Variants in RPS6KC1 observed in about 807,000 individuals in gnomAD.
RPS6KC1 encodes the protein ribosomal protein S6 kinase C1, also known as inactive ribosomal protein S6 kinase delta-1.
In RPS6KC1, 54 loss-of-function variants were observed where a neutral mutation model predicts 103.8. The observed-to-expected ratio is 0.52, with a 90% CI of 0.42 to 0.65. The LOEUF is 0.65. RPS6KC1 is among the 30% of genes least tolerant of loss of function. RPS6KC1 has a pLI of 0.00. For missense variants in RPS6KC1, 1,151 were observed against 1,253.8 expected (o/e 0.92, Z 1.24); for synonymous variants, 439 against 438.7 (o/e 1.00, Z -0.01).
intron 6 of RPS6KC1, among the ~76,000 whole-genome samples, chr1:213,130,598 C>T (rs754275876): frequency 7.2e-5 from 11 of 152,142 alleles, no homozygotes; most frequent in Non-Finnish European, 1.5e-4. Context: ...TTGGGTTTGT[C>T]GGTACCATTC....
chr1:213,267,545 GA>G (rs1346887967), intron 14 of RPS6KC1, among the ~76,000 whole-genome samples: 1 of 151,646 alleles, frequency 6.6e-6, no homozygotes, highest in Non-Finnish European at 1.5e-5. Context: ...CCCATATTCA[GA>G]AAAAAAATCA....
chr1:213,389,805 G>T, the RPS6KC1 span, among the ~76,000 whole-genome samples: 1 of 152,106 alleles, frequency 6.6e-6, no homozygotes, highest in East Asian at 1.9e-4. Context: ...GGCAATCTGG[G>T]TTTATCTCCT....
chr1:213,382,237 G>T, the RPS6KC1 span, among the ~76,000 whole-genome samples: 1 of 152,106 alleles, frequency 6.6e-6, no homozygotes, highest in Non-Finnish European at 1.5e-5. Context: ...TCTCCCCCTG[G>T]GTTGCCCAGG....
chr1:213,597,191 G>C, the RPS6KC1 span, among the ~76,000 whole-genome samples: 10 of 152,182 alleles, frequency 6.6e-5, no homozygotes, highest in Admixed American at 6.5e-4. Flanking sequence ...TAGGTTTAAA[G>C]GGTTCTTTCC....
chr1:213,796,838 A>G, the RPS6KC1 span, among the ~76,000 whole-genome samples: 15,068 of 152,210 alleles, frequency 0.099, 1,466 homozygotes, highest in African/African-American at 0.22. Flanking sequence ...GGAAATAGAT[A>G]GGTTTTCTTC....
chr1:213,462,881 C>T, the RPS6KC1 span, among the ~76,000 whole-genome samples: 1 of 152,158 alleles, frequency 6.6e-6, no homozygotes, highest in Admixed American at 6.6e-5. Flanking sequence ...GCACATATAT[C>T]CCAGAACTTA....
Position 213,261,514 on chromosome 1 carries a change from T to C in RPS6KC1, c.2912-44T>C, listed in dbSNP as rs781053031. ...ATACATGTTAATTTTGAAAGTTTAATTGACCTTTGGAATTTTAATATCAAC... is the reference window on the plus strand; with the variant it reads ...ATACATGTTAATTTTGAAAGTTTAACTGACCTTTGGAATTTTAATATCAAC... On this transcript the variant is annotated intron_variant, in intron 12 of 14. Transcript: ENST00000366960. The C allele has an allele frequency of 5.1e-6, 8 of 1,556,292 alleles. No homozygotes were observed. In the African/African-American group the frequency reaches 5.4e-5, roughly 11 times the overall value.
the RPS6KC1 span, among the ~76,000 whole-genome samples, chr1:213,307,928 A>G: frequency 5.9e-5 from 9 of 152,112 alleles, no homozygotes; most frequent in Non-Finnish European, 1.3e-4. Flanking sequence ...GGACCTTCTC[A>G]TGGCCTGTAG....
the RPS6KC1 span, among the ~76,000 whole-genome samples, chr1:213,562,357 C>CTTTTT: frequency 2.1e-5 from 1 of 47,250 alleles, no homozygotes; most frequent in Non-Finnish European, 3.8e-5. Context: ...CTGAAAAGTT[C>CTTTTT]TGTTTTTTTT....
At chr1:213,077,397 T>C (rs1272168689) in intron 2 of RPS6KC1, among the ~76,000 whole-genome samples, 19 of 152,194 alleles carry the variant, frequency 1.2e-4, no homozygotes. Flanking sequence ...AATAAAACCA[T>C]ACTTGTTTAA....
At chr1:213,638,479 A>G in the RPS6KC1 span, among the ~76,000 whole-genome samples, 1 of 152,044 alleles carries the variant, frequency 6.6e-6, no homozygotes, top group Non-Finnish European at 1.5e-5. Flanking sequence ...TCTAAAAGTT[A>G]TACATTTTAA....
chr1:213,100,836 TG>T (rs2081960180), intron 3 of RPS6KC1, among the ~76,000 whole-genome samples: 1 of 151,772 alleles, frequency 6.6e-6, no homozygotes, highest in South Asian at 2.1e-4. Flanking sequence ...AGTCCACTGT[TG>T]ATGGGCACCT....
At chr1:213,624,948 C>T in the RPS6KC1 span, among the ~76,000 whole-genome samples, 20,803 of 152,078 alleles carry the variant, frequency 0.14, 2,231 homozygotes, top group African/African-American at 0.3. Context: ...ATAGATTAAG[C>T]ATGTTCCCTC....
At chr1:213,680,315 T>A in the RPS6KC1 span, among the ~76,000 whole-genome samples, 2,927 of 152,328 alleles carry the variant, frequency 0.019, 97 homozygotes, top group African/African-American at 0.064. Context: ...GCACGAGATG[T>A]GAATCAGTCG....
the RPS6KC1 span, among the ~76,000 whole-genome samples, chr1:213,597,633 A>G: frequency 1.3e-5 from 2 of 152,322 alleles, no homozygotes; most frequent in South Asian, 4.1e-4. Flanking sequence ...CTTCATGACT[A>G]AGTCACTCAG....
At chr1:213,631,941 A>G in the RPS6KC1 span, among the ~76,000 whole-genome samples, 3 of 152,176 alleles carry the variant, frequency 2.0e-5, no homozygotes, top group Non-Finnish European at 4.4e-5. Context: ...CCTGGCAAAC[A>G]CTGATCTCTT....
chr1:213,757,422 C>G, the RPS6KC1 span, among the ~76,000 whole-genome samples: 1 of 151,298 alleles, frequency 6.6e-6, no homozygotes, highest in Non-Finnish European at 1.5e-5. Flanking sequence ...GAAGATCAGA[C>G]AAGCCACAAC....
intron 6 of RPS6KC1, among the ~76,000 whole-genome samples, chr1:213,147,120 A>G (rs1220629355): frequency 6.6e-6 from 1 of 151,984 alleles, no homozygotes; most frequent in Non-Finnish European, 1.5e-5. Context: ...TAGTTTGTAA[A>G]TATTTCCTCC....
chr1:213,566,638 G>A, the RPS6KC1 span, among the ~76,000 whole-genome samples: 1 of 150,434 alleles, frequency 6.6e-6, no homozygotes, highest in African/African-American at 2.4e-5. Flanking sequence ...GTTACAATTC[G>A]GGTACCTTCA....
Sources: allele counts gnomAD v4.1 joint callset (sites outside exome capture counted in the v4.1 genomes callset), GRCh38; gene constraint gnomAD v4.1.1; transcripts MANE v1.5; gene names NCBI Gene and HGNC (gene_info 2026-07-23, HGNC 2026-07-21).